ANK2: variants seen among roughly 807,000 people sequenced by gnomAD.
ANK2 encodes the protein ankyrin 2, also known as ankyrin-2.
Under a neutral mutation model 360.5 loss-of-function variants are expected in ANK2, and 83 were observed. The ratio of observed to expected loss-of-function variants is 0.23; its 90% confidence interval spans 0.19 to 0.28. The LOEUF (loss-of-function observed/expected upper bound fraction) is 0.28. ANK2 is among the 10% of genes least tolerant of loss of function. The pLI, the probability that ANK2 is intolerant of heterozygous loss-of-function variation, is 1.00. For missense variants in ANK2, 4,201 were observed against 4,795.7 expected, an observed-to-expected ratio of 0.88 and a Z score of 3.66; for synonymous variants, 1,740 against 1,759.5, an observed-to-expected ratio of 0.99 and a Z score of 0.28.
At chr4:113,079,913 T>G (rs1215629291) in intron 1 of ANK2, among the ~76,000 whole-genome samples, 1 of 151,680 alleles carries the variant, frequency 6.6e-6, no homozygotes, top group Non-Finnish European at 1.5e-5. Context: ...TTTTTTTTTT[T>G]TTTGAGATGG....
At chr4:113,343,164 G>T in intron 34 of ANK2, 22 bp downstream of exon 34, 2 of 1,610,816 alleles carry the variant, frequency 1.2e-6, no homozygotes, top group Non-Finnish European at 1.7e-6. Context: ...ATGGAATTTT[G>T]TGATGCATTT....
At chr4:112,791,280 G>T in the ANK2 span, among the ~76,000 whole-genome samples, 2 of 152,180 alleles carry the variant, frequency 1.3e-5, no homozygotes, top group African/African-American at 4.8e-5. Context: ...CACAGTAGGA[G>T]AGGATTGCCC....
chr4:113,055,231 A>C (rs961047289), intron 1 of ANK2, among the ~76,000 whole-genome samples: 4 of 152,106 alleles, frequency 2.6e-5, no homozygotes, highest in Admixed American at 2.6e-4. Context: ...TGTATCTAAA[A>C]AAATAAATAA....
the ANK2 span, among the ~76,000 whole-genome samples, chr4:112,708,139 T>C: frequency 2.0e-5 from 3 of 152,192 alleles, no homozygotes; most frequent in Admixed American, 2.0e-4. Context: ...AAATTAGAAA[T>C]AGAAAAACGG....
intron 9 of ANK2, among the ~76,000 whole-genome samples, 170 bp downstream of exon 9, chr4:113,242,379 T>C (rs2040445264): frequency 6.6e-6 from 1 of 152,212 alleles, no homozygotes; most frequent in South Asian, 2.1e-4. Flanking sequence ...TACCGTACAG[T>C]GAAATTAATA....
rs1358989979 is a variant in ANK2 at position 113,354,245 on chromosome 4, A to G, written c.5627A>G (p.Glu1876Gly). ...HSPASSSSKTEKHSPVSPSTK... is the reference protein window; with the variant it reads ...HSPASSSSKTGKHSPVSPSTK... ...CCTGCGTCATCATCGAGTAAAACTGAGAAACACTCACCTGTATCACCCTCG... is the reference window on the plus strand; with the variant it reads ...CCTGCGTCATCATCGAGTAAAACTGGGAAACACTCACCTGTATCACCCTCG... Residue 1876 changes from glutamate to glycine, a missense_variant, in exon 38 of 46, where the codon GAG becomes GGG. Physicochemically the swap from Glu to Gly is moderately conservative, Grantham distance 98. Around this residue, in one of 4 missense-constraint regions of ANK2, gnomAD observed 2,642 missense variants for 2,714.5 expected, o/e 0.97. Coordinates refer to ENST00000357077, the MANE Select transcript of ANK2 (RefSeq NM_001148.6). 1.9e-6 allele frequency: 3 copies of G among 1,614,118 alleles called. No homozygotes were observed. The South Asian group carries it at 3.3e-5, about 18-fold the overall frequency.
chr4:113,235,989 C>T (rs565503676), intron 5 of ANK2, among the ~76,000 whole-genome samples: 18 of 152,074 alleles, frequency 1.2e-4, no homozygotes, highest in African/African-American at 2.4e-4. Flanking sequence ...CTGCCCGCCT[C>T]GGCCTCCCAA....
intron 2 of ANK2, among the ~76,000 whole-genome samples, chr4:112,917,441 G>A (rs1287910177): frequency 2.0e-5 from 3 of 152,176 alleles, no homozygotes; most frequent in African/African-American, 2.4e-5. Context: ...GAATTCCTGC[G>A]GCTGATACAA....
intron 1 of ANK2, among the ~76,000 whole-genome samples, chr4:113,083,170 G>C (rs1219794967): frequency 6.6e-6 from 1 of 151,938 alleles, no homozygotes; most frequent in African/African-American, 2.4e-5. Context: ...TGCCATGCTG[G>C]TGTGCTGCAT....
chr4:113,257,816 T>C (rs1296987361), intron 11 of ANK2, among the ~76,000 whole-genome samples: 1 of 152,224 alleles, frequency 6.6e-6, no homozygotes, highest in African/African-American at 2.4e-5. Context: ...TTCACTTTTG[T>C]TTTCCCTGTA....
chr4:113,295,049 T>C (rs1030475343), intron 22 of ANK2, among the ~76,000 whole-genome samples: 2 of 152,332 alleles, frequency 1.3e-5, no homozygotes, highest in African/African-American at 4.8e-5. Flanking sequence ...ACCTTTTCCC[T>C]GCTCTGGGAA....
chr4:112,855,880 T>C (rs940848442), intron 1 of ANK2, among the ~76,000 whole-genome samples: 3 of 152,328 alleles, frequency 2.0e-5, no homozygotes, highest in Admixed American at 2.0e-4. Context: ...GTTCCTGCTG[T>C]CATTTTAATG....
At chr4:113,109,291 C>T (rs1374647089) in intron 1 of ANK2, among the ~76,000 whole-genome samples, 5 of 152,162 alleles carry the variant, frequency 3.3e-5, no homozygotes, top group African/African-American at 1.2e-4. Context: ...CTTTATAGAT[C>T]TGTTTCTCTC....
upstream of ANK2, among the ~76,000 whole-genome samples, chr4:113,048,243 A>AGT (rs796693713): frequency 1.9e-3 from 101 of 53,474 alleles, no homozygotes; most frequent in East Asian, 0.036. Context: ...TGCATCTACA[A>AGT]GTGTGTATAT....
intron 1 of ANK2, among the ~76,000 whole-genome samples, chr4:113,141,959 C>A (rs1277441044): frequency 6.6e-6 from 1 of 152,178 alleles, no homozygotes; most frequent in African/African-American, 2.4e-5. Flanking sequence ...AAATATGTCA[C>A]GTCATGGAGG....
At chr4:112,790,354 A>G in the ANK2 span, among the ~76,000 whole-genome samples, 1 of 152,188 alleles carries the variant, frequency 6.6e-6, no homozygotes, top group Non-Finnish European at 1.5e-5. Flanking sequence ...ATGAAATATC[A>G]GGGCTCCAAC....
chr4:113,259,350 A>G (rs181394055), intron 13 of ANK2, among the ~76,000 whole-genome samples: 42 of 152,344 alleles, frequency 2.8e-4, no homozygotes, highest in African/African-American at 9.6e-4. Flanking sequence ...TGTTGTCAAA[A>G]GCAATTGATT....
At chr4:113,213,355 C>T (rs1203458949) in intron 4 of ANK2, among the ~76,000 whole-genome samples, 1 of 152,042 alleles carries the variant, frequency 6.6e-6, no homozygotes, top group African/African-American at 2.4e-5. Context: ...TGTGAAGAAC[C>T]AATTTTAAGC....
intron 1 of ANK2, among the ~76,000 whole-genome samples, chr4:113,130,063 T>G (rs1449165611): frequency 1.3e-5 from 2 of 152,234 alleles, no homozygotes; most frequent in Non-Finnish European, 2.9e-5. Flanking sequence ...CTGTATAATA[T>G]GCTGTTTCTG....
Sources: gnomAD v4.1 joint callset for allele counts (sites outside exome capture counted in the v4.1 genomes callset) on GRCh38, gnomAD v4.1.1 for gene constraint, gnomAD v4.1.1 regional missense constraint, MANE v1.5 for transcripts, NCBI Gene and HGNC (gene_info 2026-07-23, HGNC 2026-07-21) for gene names.